ESR1: variants seen among roughly 807,000 people sequenced by gnomAD.
ESR1 encodes the protein estrogen receptor 1.
Under a neutral mutation model 52.7 loss-of-function variants are expected in ESR1, and 12 were observed. The observed-to-expected ratio is 0.23, with a 90% CI of 0.15 to 0.37. ESR1 has a LOEUF of 0.37. ESR1 is among the 10% of genes least tolerant of loss of function. ESR1 has a pLI of 1.00. For synonymous variants in ESR1, 305 were observed against 316.8 expected (o/e 0.96, Z 0.39); for missense variants, 584 against 779.7 (o/e 0.75, Z 2.99).
chr6:151,919,497 A>G (rs1290132552), intron 3 of ESR1, among the ~76,000 whole-genome samples: 1 of 152,180 alleles, frequency 6.6e-6, no homozygotes, highest in Non-Finnish European at 1.5e-5. Flanking sequence ...TGAAAATAAC[A>G]CTGTAATAAA....
chr6:151,817,936 G>A lies in ESR1; in HGVS notation c.452+9572G>A, dbSNP rs1231919231. Among the ~76,000 whole-genome samples the A allele has an allele frequency of 1.3e-5, 2 of 152,134 alleles. 1 individual carries two copies. Among genetic ancestry groups the A allele is most frequent in the South Asian group, 4.1e-4 (2 of 4,824 alleles). The stretch of plus-strand genomic sequence containing the variant: ...CCAAATATCAGTACAATTGTTGATT[G>A]CATAAAATTTCCAGTTGCATGGTTG... On this transcript the variant is annotated intron_variant, in intron 1 of 7. Transcript: ENST00000206249.
At chr6:151,775,247 G>A (rs977419964) in intron 2 of ESR1, among the ~76,000 whole-genome samples, 22 of 152,130 alleles carry the variant, frequency 1.4e-4, no homozygotes, top group African/African-American at 4.6e-4. Context: ...AAATGCTTGC[G>A]ACCAGATTGT....
chr6:152,072,251 GC>G, intron 6 of ESR1, among the ~76,000 whole-genome samples: 1 of 152,322 alleles, frequency 6.6e-6, no homozygotes, highest in African/African-American at 2.4e-5. Context: ...TTTGTGACCT[GC>G]ACTGACACAA....
intron 4 of ESR1, among the ~76,000 whole-genome samples, chr6:151,955,337 C>G (rs2036786484): frequency 6.6e-6 from 1 of 152,130 alleles, no homozygotes; most frequent in Non-Finnish European, 1.5e-5. Context: ...TGTGAATGTA[C>G]TTACTACCAT....
intron 2 of ESR1, among the ~76,000 whole-genome samples, chr6:151,753,421 G>A (rs538329865): frequency 6.6e-6 from 1 of 151,456 alleles, no homozygotes; most frequent in South Asian, 2.1e-4. Context: ...TGGTTCAAGC[G>A]ATTCTCCTGC....
Position 151,807,894 on chromosome 6 carries a change from C to G in ESR1, c.-19C>G. 1 of 1,610,676 alleles carries G rather than the reference C, an allele frequency of 6.2e-7. No individual in the cohort carries two copies. The highest frequency in any genetic ancestry group is 8.5e-7 in the Non-Finnish European group (1 of 1,177,740). ...GCCCTGCGGGGACACGGTCTGCACC[C>G]TGCCCGCGGCCACGGACCATGACCA... On this transcript the variant is annotated 5_prime_UTR_variant, in exon 1 of 8. Coordinates refer to ENST00000206249, the MANE Select transcript of ESR1 (RefSeq NM_000125.4).
At chr6:152,069,420 G>A (rs2048211078) in intron 6 of ESR1, among the ~76,000 whole-genome samples, 1 of 136,640 alleles carries the variant, frequency 7.3e-6, no homozygotes, top group Non-Finnish European at 1.5e-5. Context: ...GTTTTTTTTA[G>A]CATCAAAGAT....
chr6:151,686,226 G>A (rs1295695709), upstream of ESR1, among the ~76,000 whole-genome samples: 1 of 152,012 alleles, frequency 6.6e-6, no homozygotes, highest in East Asian at 1.9e-4. Context: ...TTTGAAGAAA[G>A]AGACTATTTT....
At chr6:152,044,112 G>A (rs1446626255) in intron 5 of ESR1, among the ~76,000 whole-genome samples, 1 of 152,044 alleles carries the variant, frequency 6.6e-6, no homozygotes, top group Admixed American at 6.5e-5. Flanking sequence ...ATATTCCTTG[G>A]TTCTCCACAT....
At chr6:151,789,191 TA>T (rs1239553179) in intron 2 of ESR1, among the ~76,000 whole-genome samples, 1 of 152,222 alleles carries the variant, frequency 6.6e-6, no homozygotes, top group East Asian at 1.9e-4. Context: ...AGTGGGAATG[TA>T]AATTAGTGCA....
chr6:152,092,286 G>C (rs2050249139), intron 6 of ESR1, among the ~76,000 whole-genome samples: 2 of 152,202 alleles, frequency 1.3e-5, no homozygotes, highest in South Asian at 4.1e-4. Flanking sequence ...AGGTGCCCCA[G>C]GGTACCAAAA....
chr6:151,976,703 T>A (rs143340140), intron 4 of ESR1, among the ~76,000 whole-genome samples: 1 of 152,128 alleles, frequency 6.6e-6, no homozygotes, highest in Admixed American at 6.6e-5. Flanking sequence ...CTTTAATCAC[T>A]GATAGAGATT....
chr6:152,056,747 A>G (rs531178609), intron 5 of ESR1, among the ~76,000 whole-genome samples: 2 of 152,344 alleles, frequency 1.3e-5, no homozygotes, highest in South Asian at 2.1e-4. Context: ...CCAGACTGAC[A>G]TAATCCATGG....
chr6:151,686,581 A>G (rs565747061), upstream of ESR1, among the ~76,000 whole-genome samples: 1 of 152,282 alleles, frequency 6.6e-6, no homozygotes, highest in South Asian at 2.1e-4. Context: ...CCAGCTACTC[A>G]GAAGGCTGAG....
rs183901483 is a variant in ESR1, at chr6:152,101,505, G to A, written c.*2539G>A. Reference sequence around the variant, plus strand: ...GTTAAGATACTACTACATTTGAAGTGGGCAGAGAACATCAGATGATTGAAA... The same window carrying A: ...GTTAAGATACTACTACATTTGAAGTAGGCAGAGAACATCAGATGATTGAAA... On this transcript the variant is annotated 3_prime_UTR_variant, in exon 8 of 8. Coordinates refer to ENST00000206249, the MANE Select transcript of ESR1 (RefSeq NM_000125.4). 8 of 232,304 alleles carry A rather than the reference G, an allele frequency of 3.4e-5. No individual in the cohort carries two copies. The East Asian group carries it at 4.9e-4, about 14-fold the overall frequency. The allele number at this position is 232,304 out of a possible 1,614,324, so 14.4% of individuals were successfully genotyped here.
intron 6 of ESR1, among the ~76,000 whole-genome samples, chr6:152,079,581 CT>C (rs2049024999): frequency 6.6e-6 from 1 of 152,192 alleles, no homozygotes; most frequent in African/African-American, 2.4e-5. Context: ...AGCGCCTCTT[CT>C]GCTCCAAAGG....
At chr6:151,808,796 G>C (rs1731414440) in intron 1 of ESR1, among the ~76,000 whole-genome samples, 1 of 152,184 alleles carries the variant, frequency 6.6e-6, no homozygotes, top group Non-Finnish European at 1.5e-5. Context: ...GCAGAGCTCA[G>C]CAGAGTTTTA....
At chr6:152,006,223 A>C (rs982702872) in intron 4 of ESR1, among the ~76,000 whole-genome samples, 5 of 152,026 alleles carry the variant, frequency 3.3e-5, no homozygotes, top group South Asian at 2.1e-4. Context: ...ACAGTAGTAC[A>C]TATTTGGTAA....
chr6:151,976,837 G>T (rs948557987), intron 4 of ESR1, among the ~76,000 whole-genome samples: 4 of 151,464 alleles, frequency 2.6e-5, no homozygotes, highest in African/African-American at 9.7e-5. Flanking sequence ...TCTCCCTTTT[G>T]GCACTCACAG....
Sources: gnomAD v4.1 joint callset for allele counts (sites outside exome capture counted in the v4.1 genomes callset) on GRCh38, gnomAD v4.1.1 for gene constraint, MANE v1.5 for transcripts, NCBI Gene and HGNC (gene_info 2026-07-23, HGNC 2026-07-21) for gene names.